CDH10: variants seen among roughly 807,000 people sequenced by gnomAD.
The protein encoded by CDH10 is cadherin 10, also known as cadherin-10.
In CDH10, 30 loss-of-function variants were observed where a neutral mutation model predicts 73.1. The ratio of observed to expected loss-of-function variants is 0.41; its 90% CI spans 0.31 to 0.56. CDH10 has a LOEUF of 0.56. Among genes scored for constraint, CDH10 ranks in the 20% least tolerant of loss-of-function variants. The pLI is 0.27. For missense variants in CDH10, 815 were observed against 973.7 expected, an observed-to-expected ratio of 0.84 and a Z score of 2.17; for synonymous variants, 345 against 348.2, an observed-to-expected ratio of 0.99 and a Z score of 0.10.
At chr5:24,571,866 A>G (rs1414280538) in intron 2 of CDH10, among the ~76,000 whole-genome samples, 1 of 152,048 alleles carries the variant, frequency 6.6e-6, no homozygotes, top group Non-Finnish European at 1.5e-5. Context: ...CTGGGCATGT[A>G]AAAATCCTAA....
In CDH10 at chr5:24,537,483, C is replaced by G. The variant is rs2111894205; in HGVS notation, c.423G>C (p.Glu141Asp). 1.2e-6 allele frequency: 2 copies of G among 1,612,694 alleles called. No homozygotes were observed. Among genetic ancestry groups the G allele is most frequent in the Non-Finnish European group, 1.7e-6 (2 of 1,178,928 alleles). ...TTTTGATCACAAACTCTGACTCTGG[C>G]TCTACTGGCCTCAGAGTTCTTCTGT... ...AINRRTLRPV[E>D]PESEFVIKIH... Residue 141 changes from glutamate (E) to aspartate (D), a missense_variant, in exon 3 of 12, where the codon GAG becomes GAC. Transcript: ENST00000264463.
chr5:24,564,588 GCCCCCT>G (rs1396311750), intron 2 of CDH10, among the ~76,000 whole-genome samples: 1 of 151,948 alleles, frequency 6.6e-6, no homozygotes, highest in Non-Finnish European at 1.5e-5. Context: ...GTCCCCCACG[GCCCCCT>G]CCAGGACATT....
intron 1 of CDH10, among the ~76,000 whole-genome samples, chr5:24,630,048 CTAT>C (rs1434081229): frequency 6.6e-6 from 1 of 152,034 alleles, no homozygotes; most frequent in Admixed American, 6.6e-5. Context: ...ACATCTGCTA[CTAT>C]GTGGGAGATA....
At chr5:24,527,036 G>C (rs1003504166) in intron 5 of CDH10, among the ~76,000 whole-genome samples, 6 of 150,966 alleles carry the variant, frequency 4.0e-5, no homozygotes, top group African/African-American at 1.2e-4. Flanking sequence ...TTTAGAAGTA[G>C]TTTTAAATAA....
intron 1 of CDH10, among the ~76,000 whole-genome samples, chr5:24,621,609 T>C (rs926154626): frequency 5.3e-5 from 8 of 152,180 alleles, no homozygotes; most frequent in African/African-American, 1.9e-4. Context: ...GAGATTTCTA[T>C]TTTAAATTGG....
In CDH10 at chr5:24,509,556, G is replaced by A. The variant is rs1742820507; in HGVS notation, c.1256+10C>T. On this transcript the variant is annotated intron_variant, in intron 7 of 11. Transcript: ENST00000264463. ...GCCCGGCTGTTTTCATTTTTAAAAG[G>A]CACACTTACCTAATGGGGCTGGAAA... The A allele has an allele frequency of 6.2e-7, 1 of 1,611,940 alleles. No individual in the cohort carries two copies. Among genetic ancestry groups the A allele is most frequent in the Admixed American group, 1.7e-5 (1 of 59,754 alleles).
chr5:24,507,705 G>T (rs1226548761), intron 7 of CDH10, among the ~76,000 whole-genome samples: 2 of 151,706 alleles, frequency 1.3e-5, no homozygotes, highest in Non-Finnish European at 2.9e-5. Context: ...AAAATGCTTG[G>T]TAAATATTTA....
chr5:24,569,215 G>A (rs1418774728), intron 2 of CDH10, among the ~76,000 whole-genome samples: 1 of 152,064 alleles, frequency 6.6e-6, no homozygotes, highest in South Asian at 2.1e-4. Flanking sequence ...AATTTATAGA[G>A]ACAGAAAATA....
At chr5:24,627,325 G>A (rs866386198) in intron 1 of CDH10, among the ~76,000 whole-genome samples, 38 of 151,764 alleles carry the variant, frequency 2.5e-4, no homozygotes, top group African/African-American at 8.7e-4. Flanking sequence ...TGACATATTT[G>A]GTGTACTCTT....
intron 11 of CDH10, among the ~76,000 whole-genome samples, chr5:24,490,847 A>G (rs891652114): frequency 1.3e-5 from 2 of 152,200 alleles, no homozygotes; most frequent in African/African-American, 4.8e-5. Context: ...AGGAATGCCG[A>G]TGGGAAGTGC....
chr5:24,596,302 G>C (rs1746370466), intron 1 of CDH10, among the ~76,000 whole-genome samples: 1 of 151,614 alleles, frequency 6.6e-6, no homozygotes, highest in African/African-American at 2.4e-5. Context: ...ATTTAGCCAA[G>C]TGTACCTTTT....
chr5:24,536,853 TACC>T (rs1334181425), intron 3 of CDH10, among the ~76,000 whole-genome samples: 2 of 151,978 alleles, frequency 1.3e-5, no homozygotes, highest in Non-Finnish European at 2.9e-5. Flanking sequence ...AGTTGAAAGA[TACC>T]AGCAGAGTTT....
intron 2 of CDH10, among the ~76,000 whole-genome samples, chr5:24,590,450 T>C (rs1746161809): frequency 6.6e-6 from 1 of 151,850 alleles, no homozygotes; most frequent in Non-Finnish European, 1.5e-5. Flanking sequence ...ACCTTTGATT[T>C]CATGGATAAG....
chr5:24,491,131 G>A (rs925711417), intron 11 of CDH10, among the ~76,000 whole-genome samples: 3 of 152,064 alleles, frequency 2.0e-5, no homozygotes, highest in Admixed American at 6.6e-5. Flanking sequence ...CCACTGATGC[G>A]TCTCCTTTCA....
intron 5 of CDH10, among the ~76,000 whole-genome samples, chr5:24,531,786 T>C (rs1347973140): frequency 6.6e-6 from 1 of 152,040 alleles, no homozygotes; most frequent in African/African-American, 2.4e-5. Flanking sequence ...ATATCAATGG[T>C]ATTTGGTGCA....
chr5:24,642,977 C>CAAAAA (rs35064864), intron 1 of CDH10, among the ~76,000 whole-genome samples: 6 of 144,434 alleles, frequency 4.2e-5, no homozygotes, highest in African/African-American at 1.3e-4. Context: ...ATAACACAGC[C>CAAAAA]AAAAAAAAAA....
intron 2 of CDH10, among the ~76,000 whole-genome samples, chr5:24,560,987 C>T (rs902384417): frequency 6.6e-5 from 10 of 152,014 alleles, no homozygotes; most frequent in African/African-American, 2.4e-4. Context: ...AGGCCACTTC[C>T]CTAAGCTTCA....
chr5:24,582,831 T>C (rs557008239), intron 2 of CDH10, among the ~76,000 whole-genome samples: 90 of 152,148 alleles, frequency 5.9e-4, no homozygotes, highest in African/African-American at 2.1e-3. Context: ...TAAACCAAAA[T>C]AAATAAAAAT....
chr5:24,635,413 A>G (rs1456714841), intron 1 of CDH10, among the ~76,000 whole-genome samples: 1 of 151,974 alleles, frequency 6.6e-6, no homozygotes, highest in Admixed American at 6.6e-5. Flanking sequence ...CACAACAGTT[A>G]GTCTCACTCT....
Sources: allele counts gnomAD v4.1 joint callset (sites outside exome capture counted in the v4.1 genomes callset), GRCh38; gene constraint gnomAD v4.1.1; transcripts MANE v1.5; gene names NCBI Gene and HGNC (gene_info 2026-07-23, HGNC 2026-07-21).